PRKAG2: variants seen among roughly 807,000 people sequenced by gnomAD.
The protein encoded by PRKAG2 is 5'-AMP-activated protein kinase subunit gamma-2.
In PRKAG2, 26 loss-of-function variants were observed where a neutral mutation model predicts 69.6. The ratio of observed to expected loss-of-function variants is 0.37; its 90% CI spans 0.27 to 0.52. The LOEUF (loss-of-function observed/expected upper bound fraction) is 0.52. Among genes scored for constraint, PRKAG2 ranks in the 20% least tolerant of loss-of-function variants. The pLI is 0.90. For missense variants in PRKAG2, 557 were observed against 740.0 expected, an observed-to-expected ratio of 0.75 and a Z score of 2.87; for synonymous variants, 293 against 285.0, an observed-to-expected ratio of 1.03 and a Z score of -0.28.
chr7:151,751,567 G>A (rs1388026818), intron 3 of PRKAG2, among the ~76,000 whole-genome samples: 6 of 151,916 alleles, frequency 3.9e-5, no homozygotes, highest in African/African-American at 1.5e-4. Flanking sequence ...GGAGTGCAGT[G>A]CAATCACAGC....
chr7:151,724,844 A>AC (rs1225661876), intron 3 of PRKAG2, among the ~76,000 whole-genome samples: 1 of 151,444 alleles, frequency 6.6e-6, no homozygotes, highest in African/African-American at 2.4e-5. Context: ...ACCAGAAAGC[A>AC]CCCCCCGAGC....
chr7:151,679,006 A>G (rs549815853), intron 3 of PRKAG2, among the ~76,000 whole-genome samples: 2 of 152,132 alleles, frequency 1.3e-5, no homozygotes, highest in Non-Finnish European at 2.9e-5. Flanking sequence ...TTTCCCCCAA[A>G]GGTCTTGAGA....
At chr7:151,708,529 G>C (rs115464173) in intron 3 of PRKAG2, among the ~76,000 whole-genome samples, 3 of 152,272 alleles carry the variant, frequency 2.0e-5, no homozygotes, top group South Asian at 2.1e-4. Flanking sequence ...CATTTGTAAC[G>C]AAGGATTTTC....
At chr7:151,779,882 C>T (rs562793682) in intron 3 of PRKAG2, among the ~76,000 whole-genome samples, 1 of 152,138 alleles carries the variant, frequency 6.6e-6, no homozygotes, top group East Asian at 1.9e-4. Context: ...GCACTTTGAT[C>T]CCTCATCTCT....
intron 1 of PRKAG2, among the ~76,000 whole-genome samples, chr7:151,816,416 G>A (rs2078641733): frequency 6.6e-6 from 1 of 151,988 alleles, no homozygotes; most frequent in Non-Finnish European, 1.5e-5. Context: ...AATATTCTGT[G>A]TCAACAACCC....
chr7:151,587,853 G>A (rs1382605110), intron 6 of PRKAG2, among the ~76,000 whole-genome samples: 1 of 152,136 alleles, frequency 6.6e-6, no homozygotes. Flanking sequence ...AAGAAAGCAT[G>A]GACTTTAGCA....
chr7:151,718,785 G>A (rs1209246984), intron 3 of PRKAG2, among the ~76,000 whole-genome samples: 4 of 152,066 alleles, frequency 2.6e-5, no homozygotes, highest in African/African-American at 9.7e-5. Context: ...CTTCCATGGA[G>A]TCCAAAGATG....
chr7:151,643,313 G>A (rs1040947483), intron 4 of PRKAG2, among the ~76,000 whole-genome samples: 1 of 152,196 alleles, frequency 6.6e-6, no homozygotes, highest in Non-Finnish European at 1.5e-5. Context: ...TTTGAAATAT[G>A]TTGTATTTAT....
intron 3 of PRKAG2, among the ~76,000 whole-genome samples, chr7:151,760,825 T>C (rs1457462320): frequency 6.6e-6 from 1 of 152,206 alleles, no homozygotes; most frequent in Non-Finnish European, 1.5e-5. Context: ...GATTCCAGGC[T>C]AGCTCTGCCA....
Position 151,632,007 on chromosome 7 carries a change from C to T in PRKAG2, c.754+62G>A. The T allele has an allele frequency of 8.3e-7, 1 of 1,198,214 alleles. No homozygotes were observed. The highest frequency in any genetic ancestry group is 3.0e-5 in the South Asian group (1 of 32,984). 74.2% of individuals were successfully genotyped at this position (1,198,214 alleles called of 1,614,324 possible). A position where few individuals can be genotyped will look rare whatever the true frequency, so the allele number is the denominator to read the frequency against. Reference sequence around the variant, plus strand: ...GATGGGGCGCGGGGTCCCCGCGGGTCCCGGTCCTCGGGCGGCCGGGCCGTG... The same window carrying T: ...GATGGGGCGCGGGGTCCCCGCGGGTTCCGGTCCTCGGGCGGCCGGGCCGTG... On this transcript the variant is annotated intron_variant, in intron 5 of 15. Coordinates refer to ENST00000287878, the MANE Select transcript of PRKAG2 (RefSeq NM_016203.4). The surrounding 1 kb of genome is among the most constrained non-coding windows in gnomAD (Gnocchi z 4.2).
At chr7:151,832,172 A>G (rs2079039991) in intron 1 of PRKAG2, among the ~76,000 whole-genome samples, 1 of 150,434 alleles carries the variant, frequency 6.6e-6, no homozygotes, top group Non-Finnish European at 1.5e-5. Flanking sequence ...TTTCCCCCCA[A>G]CCCAATAGGG....
chr7:151,768,806 G>C (rs1242153531), intron 3 of PRKAG2, among the ~76,000 whole-genome samples: 1 of 152,154 alleles, frequency 6.6e-6, no homozygotes, highest in Non-Finnish European at 1.5e-5. Flanking sequence ...GAAGGCTGCA[G>C]TTGGTGCCAG....
At chr7:151,631,530 C>A in intron 5 of PRKAG2, 2 of 312,148 alleles carry the variant, frequency 6.4e-6, no homozygotes, top group Non-Finnish European at 1.4e-5. Flanking sequence ...AGAGGAGAGG[C>A]GACAGAAATG....
chr7:151,624,550 G>A (rs1321567235), intron 5 of PRKAG2, among the ~76,000 whole-genome samples: 2 of 152,096 alleles, frequency 1.3e-5, no homozygotes, highest in Non-Finnish European at 2.9e-5. Context: ...TTTCATATCA[G>A]AGATGAACCT....
At chr7:151,870,057 GA>G (rs1377320107) in intron 1 of PRKAG2, among the ~76,000 whole-genome samples, 2 of 151,438 alleles carry the variant, frequency 1.3e-5, no homozygotes, top group Non-Finnish European at 3.0e-5. Context: ...TGCCTTTGTT[GA>G]ATAGTCAAAA....
At chr7:151,864,121 G>A (rs547958867) in intron 1 of PRKAG2, among the ~76,000 whole-genome samples, 4 of 152,268 alleles carry the variant, frequency 2.6e-5, no homozygotes, top group Admixed American at 1.3e-4. Context: ...GAAATAGCAC[G>A]AAACAAGCAC....
intron 4 of PRKAG2, among the ~76,000 whole-genome samples, chr7:151,658,390 C>T (rs1209259467): frequency 6.7e-6 from 1 of 148,476 alleles, no homozygotes; most frequent in East Asian, 2.0e-4. Flanking sequence ...GAGGCTGAGG[C>T]AGAAGAATCG....
intron 3 of PRKAG2, chr7:151,736,168 C>T (rs1448826354): frequency 7.0e-7 from 1 of 1,435,240 alleles, no homozygotes. Flanking sequence ...AGCGTCCTCA[C>T]CAGGGGGTCT....
intron 1 of PRKAG2, among the ~76,000 whole-genome samples, chr7:151,863,272 G>A (rs909069684): frequency 6.6e-6 from 1 of 151,956 alleles, no homozygotes; most frequent in Non-Finnish European, 1.5e-5. Flanking sequence ...GGTACAGGGA[G>A]CACTGGTAGC....
Sources: gnomAD v4.1 joint callset for allele counts (sites outside exome capture counted in the v4.1 genomes callset) on GRCh38, gnomAD v4.1.1 for gene constraint, Gnocchi (gnomAD v3.1) non-coding constraint, MANE v1.5 for transcripts, NCBI Gene and HGNC (gene_info 2026-07-23, HGNC 2026-07-21) for gene names.